The following CCDC181 variants were observed in gnomAD, a reference collection of about 807,000 sequenced individuals.
The protein encoded by CCDC181 is coiled-coil domain-containing protein 181.
In CCDC181, 35 loss-of-function variants were observed where a neutral mutation model predicts 58.7. The observed-to-expected ratio is 0.60, with a 90% confidence interval of 0.46 to 0.79. CCDC181 has a LOEUF of 0.79. CCDC181 is among the 30% of genes least tolerant of loss of function. The pLI is 0.00. For synonymous variants in CCDC181, 183 were observed against 197.5 expected, an observed-to-expected ratio of 0.93 and a Z score of 0.62; for missense variants, 517 against 583.9, an observed-to-expected ratio of 0.89 and a Z score of 1.18.
At chr1:169,441,262 T>C (rs1330017005) in intron 2 of CCDC181, among the ~76,000 whole-genome samples, 1 of 152,208 alleles carries the variant, frequency 6.6e-6, no homozygotes, top group Non-Finnish European at 1.5e-5. Flanking sequence ...CTTTATGCTA[T>C]TAAGTTCATC....
At chr1:169,443,766 C>T (rs1026533425) in intron 2 of CCDC181, among the ~76,000 whole-genome samples, 8 of 152,076 alleles carry the variant, frequency 5.3e-5, no homozygotes, top group Admixed American at 2.0e-4. Flanking sequence ...TGATGATTAG[C>T]GATAAGAATA....
intron 2 of CCDC181, among the ~76,000 whole-genome samples, chr1:169,448,566 A>C (rs1657443495): frequency 6.6e-6 from 1 of 151,924 alleles, no homozygotes; most frequent in Non-Finnish European, 1.5e-5. Flanking sequence ...CTTGTCCTTA[A>C]TCTCCCATCT....
intron 1 of CCDC181, among the ~76,000 whole-genome samples, chr1:169,426,663 A>T (rs1656724917): frequency 6.6e-6 from 1 of 152,244 alleles, no homozygotes; most frequent in East Asian, 1.9e-4. Flanking sequence ...CGTTTTAAAC[A>T]TATGCTTGCT....
At chr1:169,417,184 C>T (rs1256847832) in intron 4 of CCDC181, among the ~76,000 whole-genome samples, 1 of 152,142 alleles carries the variant, frequency 6.6e-6, no homozygotes, top group East Asian at 1.9e-4. Flanking sequence ...GATAATATAT[C>T]CCTGGAGTTA....
chr1:169,400,440 C>T (rs547786548), intron 4 of CCDC181, among the ~76,000 whole-genome samples: 2 of 151,932 alleles, frequency 1.3e-5, no homozygotes, highest in East Asian at 1.9e-4. Context: ...AGTCTATTAA[C>T]CAATTTAAAA....
intron 2 of CCDC181, among the ~76,000 whole-genome samples, chr1:169,440,628 A>G (rs944520834): frequency 1.4e-4 from 22 of 152,140 alleles, no homozygotes; most frequent in African/African-American, 5.3e-4. Flanking sequence ...CAAAACATGC[A>G]AGATGGGGCC....
Position 169,421,454 on chromosome 1 carries a change from A to T in CCDC181, c.977T>A (p.Ile326Asn). 6.2e-7 allele frequency: 1 copy of T among 1,614,008 alleles called. No homozygotes were observed. The highest frequency in any genetic ancestry group is 8.5e-7 in the Non-Finnish European group (1 of 1,179,998). ...ACAGTATGTTGAAGTCACTGGTGAG[A>T]TATGTGCAGACTGTGTCCTGTGATT... ...KSNHRTQSAH[I>N]SPVTSTYCLS... The change falls in exon 3 of 6, where the codon ATC becomes AAC. Residue 326 changes from isoleucine to asparagine, a missense_variant. Ile to Asn is a moderately radical substitution (Grantham distance 149, BLOSUM62 -3). Coordinates refer to ENST00000367806, the MANE Select transcript of CCDC181 (RefSeq NM_001300969.2).
rs1257338927 is a variant in CCDC181, at chr1:169,422,032, T to C, written c.399A>G (p.Gln133=). ...CTTGATTCTGTAGAAGCTTGTTAGC[T>C]TGTACAATTTTCTCCATAATATATC... ...VRRYIMEKIV[Q]ANKLLQNQEP... The change falls in exon 3 of 6, where the codon CAA becomes CAG. Residue 133 remains glutamine, a synonymous_variant. Transcript: ENST00000367806. 6 of 1,614,114 alleles carry C rather than the reference T, an allele frequency of 3.7e-6. No homozygotes were observed. Among genetic ancestry groups the C allele is most frequent in the Admixed American group, 1.7e-5 (1 of 60,012 alleles).
At chr1:169,397,538 A>T in intron 4 of CCDC181, 147 bp from the exon 5 acceptor site, 1 of 619,152 alleles carries the variant, frequency 1.6e-6, no homozygotes, top group Non-Finnish European at 2.6e-6. Flanking sequence ...CTAGTATCCA[A>T]ACCAAATACA....
chr1:169,438,573 C>G (rs1657118842), intron 2 of CCDC181, among the ~76,000 whole-genome samples: 1 of 152,168 alleles, frequency 6.6e-6, no homozygotes, highest in African/African-American at 2.4e-5. Flanking sequence ...ATACATACAA[C>G]AAAACAGACA....
intron 1 of CCDC181, 50 bp from the exon 2 acceptor site, chr1:169,425,000 G>A (rs1175941839): frequency 2.6e-6 from 2 of 774,022 alleles, no homozygotes; most frequent in African/African-American, 1.7e-5. Context: ...TCTAGAGGAG[G>A]AATGGAGTAT....
At chr1:169,430,457 A>G (rs1656886216), upstream of CCDC181, among the ~76,000 whole-genome samples, 2 of 152,130 alleles carry the variant, frequency 1.3e-5, no homozygotes, top group African/African-American at 4.8e-5. Context: ...TGTGTCATCT[A>G]TGATTTCTTT....
intron 2 of CCDC181, among the ~76,000 whole-genome samples, chr1:169,433,437 C>T (rs1656971864): frequency 6.6e-6 from 1 of 151,842 alleles, no homozygotes; most frequent in African/African-American, 2.4e-5. Context: ...ATAAATCCAT[C>T]CTAAAATTTG....
At position 169,419,123 on chromosome 1, in the gene CCDC181, T is replaced by C. The variant is rs1553205845; in HGVS notation, c.1105A>G (p.Lys369Glu). Residue 369 changes from lysine (K) to glutamate (E), a missense_variant, in exon 4 of 6, where the codon AAG becomes GAG. Transcript: ENST00000367806. ...RRKIEEEKEKKRENDIVFKAW... is the reference protein window; with the variant it reads ...RRKIEEEKEKERENDIVFKAW... ...TTAAATACTATGTCATTCTCTCTCT[T>C]TTTTTCTTTCTCTTCTTCTATTTTT... 2.5e-6 allele frequency: 4 copies of C among 1,608,496 alleles called. No homozygotes were observed. Among genetic ancestry groups the C allele is most frequent in the East Asian group, 4.5e-5 (2 of 44,802 alleles).
chr1:169,397,418 G>C lies in CCDC181; in HGVS notation c.1216-27C>G, dbSNP rs1463681923. 3.8e-6 allele frequency: 6 copies of C among 1,569,428 alleles called. No individual in the cohort carries two copies. The African/African-American group carries it at 4.1e-5, about 11-fold the overall frequency. On this transcript the variant is annotated intron_variant, in intron 4 of 5. Transcript: ENST00000367806. ...TGATTAGAAAAACAAGCTTTACTTA[G>C]TTTAGATAAACAAGAACTACATTTT...
chr1:169,459,104 T>A (rs1657762974), intron 2 of CCDC181, among the ~76,000 whole-genome samples: 1 of 152,186 alleles, frequency 6.6e-6, no homozygotes, highest in Non-Finnish European at 1.5e-5. Context: ...TTTCTCCAAA[T>A]TTCCTACCAT....
At chr1:169,450,673 T>C (rs942920175) in intron 2 of CCDC181, among the ~76,000 whole-genome samples, 1 of 152,218 alleles carries the variant, frequency 6.6e-6, no homozygotes, top group African/African-American at 2.4e-5. Context: ...TAGATTTCTG[T>C]GCATAGAATT....
At chr1:169,406,196 G>T (rs568529542) in intron 4 of CCDC181, among the ~76,000 whole-genome samples, 1 of 152,334 alleles carries the variant, frequency 6.6e-6, no homozygotes, top group East Asian at 1.9e-4. Context: ...TACAGTGTTG[G>T]TGGGAGTGTA....
chr1:169,412,873 T>C (rs764717117), intron 4 of CCDC181, among the ~76,000 whole-genome samples: 1 of 152,166 alleles, frequency 6.6e-6, no homozygotes, highest in East Asian at 1.9e-4. Flanking sequence ...AAAAATTAAC[T>C]CAAGATGGAT....
Sources: gnomAD v4.1 joint callset for allele counts (sites outside exome capture counted in the v4.1 genomes callset) on GRCh38, gnomAD v4.1.1 for gene constraint, MANE v1.5 for transcripts, NCBI Gene and HGNC (gene_info 2026-07-23, HGNC 2026-07-21) for gene names.